The following KLRB1 variants were observed in gnomAD, a reference collection of about 807,000 sequenced individuals.
KLRB1 encodes killer cell lectin like receptor B1.
In KLRB1, 27 loss-of-function variants were observed where a neutral mutation model predicts 33.5. The ratio of observed to expected loss-of-function variants is 0.81; its 90% CI spans 0.59 to 1.11. The LOEUF is 1.11. KLRB1 is among the 50% of genes most tolerant of loss of function. The probability of loss-of-function intolerance (pLI) is 0.00; values close to 1 mark genes in which losing one functional copy is unlikely to be tolerated. For synonymous variants in KLRB1, 64 were observed against 88.9 expected (o/e 0.72, Z 1.58); for missense variants, 241 against 254.1 (o/e 0.95, Z 0.35).
chr12:9,605,198 T>C (rs1402618274), intron 1 of KLRB1, among the ~76,000 whole-genome samples: 1 of 152,236 alleles, frequency 6.6e-6, no homozygotes, highest in Admixed American at 6.5e-5. Context: ...CAGTATTCCA[T>C]GGTGTATATG....
chr12:9,605,540 G>T (rs764356118), intron 1 of KLRB1, among the ~76,000 whole-genome samples: 3 of 152,324 alleles, frequency 2.0e-5, no homozygotes, highest in African/African-American at 7.2e-5. Context: ...TTTAATGAAT[G>T]AATAAACTCT....
intron 1 of KLRB1, among the ~76,000 whole-genome samples, 163 bp from the exon 2 acceptor site, chr12:9,601,762 A>T (rs1207787909): frequency 2.6e-5 from 4 of 152,214 alleles, no homozygotes; most frequent in Non-Finnish European, 5.9e-5. Context: ...TCTATCCATC[A>T]TTCTAAAAGT....
At chr12:9,601,191 C>A (rs1469466900) in intron 2 of KLRB1, among the ~76,000 whole-genome samples, 2 of 149,854 alleles carry the variant, frequency 1.3e-5, no homozygotes, top group Non-Finnish European at 3.0e-5. Context: ...TGTCTGCTGA[C>A]CCTCTCCCCA....
chr12:9,601,265 C>T (rs2090117967), intron 2 of KLRB1, among the ~76,000 whole-genome samples: 1 of 151,294 alleles, frequency 6.6e-6, no homozygotes, highest in South Asian at 2.1e-4. Context: ...TCAATAAATA[C>T]TAAGGGAACT....
In KLRB1 at chr12:9,607,802, G is replaced by T; in HGVS notation, c.38C>A (p.Pro13His). 6.2e-7 allele frequency: 1 copy of T among 1,613,704 alleles called. No homozygotes were observed. Among genetic ancestry groups the T allele is most frequent in the Non-Finnish European group, 8.5e-7 (1 of 1,179,694 alleles). The change falls in exon 1 of 6, where the codon CCC (proline) becomes CAC (histidine). Residue 13 changes from proline (P) to histidine (H), a missense_variant. Coordinates refer to ENST00000229402, the MANE Select transcript of KLRB1 (RefSeq NM_002258.3). ...AGAACTTTCTGGGCCTGAGTCTGTG[G>T]GTAAGTTTAACTCAGCATATATTGC... The part of the protein sequence containing the change: ...QQAIYAELNL[P>H]TDSGPESSSP...
Position 9,598,626 on chromosome 12 carries a change from A to G in KLRB1, c.287T>C (p.Ile96Thr). 6.2e-7 allele frequency: 1 copy of G among 1,612,850 alleles called. No individual in the cohort carries two copies. Among genetic ancestry groups the G allele is most frequent in the Non-Finnish European group, 8.5e-7 (1 of 1,179,206 alleles). Residue 96 changes from isoleucine to threonine, a missense_variant, in exon 4 of 6, where the codon ATA (isoleucine) becomes ACA (threonine). Ile to Thr is a moderately conservative substitution (Grantham distance 89, BLOSUM62 -1). Transcript: ENST00000229402. ...TTTCTCTCGGAGTTGCTGCCAATAT[A>G]TTGGGCAGTTTAAGAGACCCGGTCT... ...TERPGLLNCPIYWQQLREKCL... is the reference protein window; with the variant it reads ...TERPGLLNCPTYWQQLREKCL...
At chr12:9,606,761 T>TATATATATATA (rs1491174451) in intron 1 of KLRB1, among the ~76,000 whole-genome samples, 14 of 23,670 alleles carry the variant, frequency 5.9e-4, no homozygotes, top group Admixed American at 6.7e-4. Context: ...TATATATATA[T>TATATATATATA]TTTTTTTTTT....
chr12:9,603,549 C>T (rs758314876), intron 1 of KLRB1, among the ~76,000 whole-genome samples: 6 of 152,012 alleles, frequency 3.9e-5, no homozygotes, highest in African/African-American at 7.2e-5. Context: ...CTCAACCTCC[C>T]GAGTAGCTGG....
rs1864642145 is a variant in KLRB1 at position 9,607,849 on chromosome 12, AG to A, written c.-11del. On this transcript the variant is annotated 5_prime_UTR_variant, in exon 1 of 6. Transcript: ENST00000229402. Reference sequence around the variant, plus strand: ...TTGCTTGTTGGTCCATGGCAGACAGAGGAAGGTGGCATTAAACTTGTGTGTA... The same window carrying A: ...TTGCTTGTTGGTCCATGGCAGACAGAGAAGGTGGCATTAAACTTGTGTGTA... 6.3e-7 allele frequency: 1 copy of A among 1,597,382 alleles called. No homozygotes were observed. Among genetic ancestry groups the A allele is most frequent in the South Asian group, 1.1e-5 (1 of 90,558 alleles).
chr12:9,607,335 C>CCTTCCTTCCTGCCTTCCTTTCTTT (rs1864621978), intron 1 of KLRB1, among the ~76,000 whole-genome samples: 8 of 65,262 alleles, frequency 1.2e-4, no homozygotes, highest in Non-Finnish European at 2.2e-4. Context: ...CTCTTTCTTT[C>CCTTCCTTCCTGCCTTCCTTTCTTT]CTTTCTTTCT....
chr12:9,601,525 C>T lies in KLRB1; in HGVS notation c.160G>A (p.Val54Ile), dbSNP rs772942837. ...SCAGIILLVL[V>I]VTGLSVSVTS... ...CCTGAAACACTCAACCCAGTAACAA[C>T]CAAGACAAGGAGAATAATCCCAGCA... is the stretch of plus-strand genomic sequence containing the variant. The change falls in exon 2 of 6, where the codon GTT becomes ATT. Residue 54 changes from valine (V) to isoleucine (I), a missense_variant. Transcript: ENST00000229402. The T allele has an allele frequency of 6.2e-7, 1 of 1,613,514 alleles. No homozygotes were observed. The highest frequency in any genetic ancestry group is 1.1e-5 in the South Asian group (1 of 91,066).
At chr12:9,595,484 G>C in intron 5 of KLRB1, 63 bp from the exon 6 acceptor site, 2 of 1,492,410 alleles carry the variant, frequency 1.3e-6, no homozygotes. Context: ...TTCTCACTTA[G>C]CCATTATTTC....
rs958938777 is a variant in KLRB1 at position 9,604,579 on chromosome 12, G to A, written c.86-2980C>T. Among the ~76,000 whole-genome samples the A allele has an allele frequency of 2.6e-5, 4 of 152,052 alleles. No individual in the cohort carries two copies. In the East Asian group the frequency reaches 7.7e-4, roughly 29 times the overall value. On this transcript the variant is annotated intron_variant, in intron 1 of 5. Transcript: ENST00000229402. ...AATACCACAGGCGTGTTTTCATTTCGATGTGTTTGCACTTGTTGGTCACCT... is the reference window on the plus strand; with the variant it reads ...AATACCACAGGCGTGTTTTCATTTCAATGTGTTTGCACTTGTTGGTCACCT...
chr12:9,595,249 A>C lies in KLRB1; in HGVS notation c.*25T>G, dbSNP rs186876144. 3.7e-6 allele frequency: 6 copies of C among 1,608,868 alleles called. No homozygotes were observed. In the African/African-American group the frequency reaches 8.0e-5, roughly 21 times the overall value. ...AGTACAGAGATCAGTAATGGGAAGC[A>C]AATAAATTGAGATGGGATTCATAGT... On this transcript the variant is annotated 3_prime_UTR_variant, in exon 6 of 6. Transcript: ENST00000229402.
intron 1 of KLRB1, among the ~76,000 whole-genome samples, chr12:9,604,750 A>G (rs879262896): frequency 2.0e-5 from 3 of 152,024 alleles, no homozygotes; most frequent in Non-Finnish European, 2.9e-5. Flanking sequence ...CTATATTCAA[A>G]TCTTTCTCAA....
Position 9,607,749 on chromosome 12 carries a change from A to G in KLRB1, c.85+6T>C. The G allele has an allele frequency of 6.2e-7, 1 of 1,600,776 alleles. No homozygotes were observed. ...AAATGCCGAAAGGAAAATTAAAGCC[A>G]CTTACCCCGAGGAAGAGATGAAGGT... On this transcript the variant is annotated splice_donor_region_variant and intron_variant, in intron 1 of 5. Coordinates refer to ENST00000229402, the MANE Select transcript of KLRB1 (RefSeq NM_002258.3).
chr12:9,598,398 C>A, intron 4 of KLRB1, 101 bp downstream of exon 4: 1 of 1,029,914 alleles, frequency 9.7e-7, no homozygotes, highest in South Asian at 1.6e-5. Flanking sequence ...AAGTCAAAGT[C>A]ATCACTTCCA....
Position 9,607,307 on chromosome 12 carries a change from T to TTC in KLRB1, c.85+446_85+447dup, listed in dbSNP as rs141059126. On this transcript the variant is annotated intron_variant, in intron 1 of 5. Transcript: ENST00000229402. ...CTTTCTTTTTCTTTCTCTCCTTTCT[T>TTC]TCTTTCTTCTTTTCTTTCTCTTTCT... Among the ~76,000 whole-genome samples the TTC allele has an allele frequency of 4.7e-4, 57 of 121,258 alleles. 2 individuals are homozygous for TTC. The highest frequency in any genetic ancestry group is 1.7e-3 in the African/African-American group (56 of 32,020). 79.5% of individuals were successfully genotyped at this position (121,258 alleles called of 152,430 possible). A position where few individuals can be genotyped will look rare whatever the true frequency, so the allele number is the denominator to read the frequency against.
chr12:9,601,580 A>G lies in KLRB1; in HGVS notation c.105T>C (p.Pro35=), dbSNP rs1398862338. 1.2e-6 allele frequency: 2 copies of G among 1,612,438 alleles called. No individual in the cohort carries two copies. The highest frequency in any genetic ancestry group is 1.7e-6 in the Non-Finnish European group (2 of 1,178,536). The change falls in exon 2 of 6, where the codon CCT becomes CCC. Residue 35 remains proline, a synonymous_variant. Transcript: ENST00000229402. Reference sequence around the variant, plus strand: ...TAAGTTTCAGGGCAAATTGATGCCAAGGTGAACCCTGACAGACATCTGAAA... The same window carrying G: ...TAAGTTTCAGGGCAAATTGATGCCAGGGTGAACCCTGACAGACATCTGAAA... ...SLPRDVCQGS[P]WHQFALKLSC...
Sources: gnomAD v4.1 joint callset for allele counts (sites outside exome capture counted in the v4.1 genomes callset) on GRCh38, gnomAD v4.1.1 for gene constraint, MANE v1.5 for transcripts, NCBI Gene and HGNC (gene_info 2026-07-23, HGNC 2026-07-21) for gene names.